Variants in KIAA1549L observed in about 807,000 individuals in gnomAD.
KIAA1549L encodes UPF0606 protein KIAA1549L.
Under a neutral mutation model 160.7 loss-of-function variants are expected in KIAA1549L, and 88 were observed. That is an observed-to-expected ratio of 0.55 (90% CI 0.46 to 0.65). The LOEUF (loss-of-function observed/expected upper bound fraction) is 0.65. Ranked by LOEUF, KIAA1549L falls within the 30% of genes least tolerant of loss-of-function variation. The probability of loss-of-function intolerance (pLI) is 0.00; values close to 1 mark genes in which losing one functional copy is unlikely to be tolerated. For missense variants in KIAA1549L, 2,258 were observed against 2,437.5 expected, an observed-to-expected ratio of 0.93 and a Z score of 1.55; for synonymous variants, 950 against 976.7, an observed-to-expected ratio of 0.97 and a Z score of 0.51.
chr11:33,635,639 G>A (rs997818391), intron 16 of KIAA1549L, among the ~76,000 whole-genome samples: 3 of 151,612 alleles, frequency 2.0e-5, no homozygotes, highest in East Asian at 3.9e-4. Flanking sequence ...GTGGCCTCAA[G>A]AGCCCTTTAT....
chr11:33,537,806 G>A (rs1435730035), intron 1 of KIAA1549L, among the ~76,000 whole-genome samples: 1 of 152,170 alleles, frequency 6.6e-6, no homozygotes, highest in African/African-American at 2.4e-5. Context: ...GTCAGTGACA[G>A]GCACAGACAT....
At chr11:33,648,421 T>A (rs1160545330) in intron 17 of KIAA1549L, among the ~76,000 whole-genome samples, 1 of 151,598 alleles carries the variant, frequency 6.6e-6, no homozygotes, top group African/African-American at 2.4e-5. Context: ...ATGATGATGA[T>A]TCTTAACCCA....
At chr11:33,443,864 C>A (rs531437455) in intron 1 of KIAA1549L, among the ~76,000 whole-genome samples, 2 of 152,158 alleles carry the variant, frequency 1.3e-5, no homozygotes, top group Non-Finnish European at 2.9e-5. Context: ...TGATAGGACT[C>A]ATTTCCTCAA....
chr11:33,420,773 C>T (rs1214080050), intron 1 of KIAA1549L, among the ~76,000 whole-genome samples: 1 of 152,094 alleles, frequency 6.6e-6, no homozygotes, highest in East Asian at 1.9e-4. Context: ...GTTTCATAAC[C>T]ACGAAATATA....
chr11:33,663,000 A>G (rs1399873301), intron 20 of KIAA1549L, among the ~76,000 whole-genome samples: 3 of 152,208 alleles, frequency 2.0e-5, no homozygotes, highest in Non-Finnish European at 2.9e-5. Context: ...CTGGAGCCCA[A>G]CTATCACCTG....
chr11:33,561,289 A>T (rs952832750), intron 7 of KIAA1549L, among the ~76,000 whole-genome samples: 1 of 152,218 alleles, frequency 6.6e-6, no homozygotes, highest in Non-Finnish European at 1.5e-5. Context: ...TTTTGATGAA[A>T]AAACGGAAAG....
In KIAA1549L at chr11:33,542,404, C is replaced by G; in HGVS notation, c.841C>G (p.Pro281Ala). ...LLVPQTAPAD[P>A]SLGQNIANPL... ...AGTTCCCCAAACAGCTCCAGCCGAC[C>G]CCTCTTTAGGTCAGAACATAGCTAA... The change falls in exon 2 of 21, where the codon CCC becomes GCC. Residue 281 changes from proline (P) to alanine (A), a missense_variant. By Grantham distance (27) the Pro-to-Ala change is conservative (BLOSUM62 -1). Around this residue, in one of 6 missense-constraint regions of KIAA1549L, gnomAD observed 540 missense variants for 465.7 expected, o/e 1.16. Transcript: ENST00000658780. The G allele has an allele frequency of 6.8e-7, 1 of 1,472,626 alleles. No individual in the cohort carries two copies. The highest frequency in any genetic ancestry group is 9.2e-7 in the Non-Finnish European group (1 of 1,084,030). 91.2% of individuals were successfully genotyped at this position (1,472,626 alleles called of 1,614,324 possible). A position where few individuals can be genotyped will look rare whatever the true frequency, so the allele number is the denominator to read the frequency against.
At chr11:33,614,578 ATATATATTTTTT>A (rs1564924948) in intron 15 of KIAA1549L, among the ~76,000 whole-genome samples, 2 of 9,422 alleles carry the variant, frequency 2.1e-4, no homozygotes, top group South Asian at 4.7e-3. Context: ...ATATATATAT[ATATATATTTTTT>A]TTTTTTTTTT....
intron 1 of KIAA1549L, among the ~76,000 whole-genome samples, chr11:33,523,516 A>T (rs1853544553): frequency 6.6e-6 from 1 of 152,170 alleles, no homozygotes; most frequent in South Asian, 2.1e-4. Flanking sequence ...TACTAGAAGG[A>T]TTATTTTCTT....
intron 16 of KIAA1549L, among the ~76,000 whole-genome samples, chr11:33,641,059 G>A (rs893248252): frequency 6.6e-6 from 1 of 152,156 alleles, no homozygotes; most frequent in Non-Finnish European, 1.5e-5. Context: ...GAGGGAGAAG[G>A]GTTTAGGGCA....
In KIAA1549L at chr11:33,398,692, A is replaced by T. The variant is rs75897165; in HGVS notation, c.238+21803A>T. ...AAGAAGAAAAATCGCCCATAGCCCC[A>T]AGAGTCTAACACAACCATTGATAGG... On this transcript the variant is annotated intron_variant, in intron 1 of 20. Coordinates refer to ENST00000658780, the MANE Select transcript of KIAA1549L (RefSeq NM_012194.3). Among the ~76,000 whole-genome samples the T allele has an allele frequency of 9.4e-3, 1,432 of 152,328 alleles. 47 individuals are homozygous for T. The East Asian group carries it at 0.14, about 15-fold the overall frequency.
intron 17 of KIAA1549L, among the ~76,000 whole-genome samples, chr11:33,650,624 C>G (rs1239258674): frequency 6.6e-6 from 1 of 152,190 alleles, no homozygotes; most frequent in East Asian, 1.9e-4. Flanking sequence ...TAGCCGTATC[C>G]TCTTTCTCCT....
intron 1 of KIAA1549L, among the ~76,000 whole-genome samples, chr11:33,530,721 C>T (rs899512763): frequency 6.6e-5 from 10 of 151,814 alleles, no homozygotes; most frequent in South Asian, 2.1e-4. Flanking sequence ...TCATTGTGGC[C>T]GCCCTACCTG....
chr11:33,468,661 G>A (rs759875738), intron 1 of KIAA1549L, among the ~76,000 whole-genome samples: 28 of 152,204 alleles, frequency 1.8e-4, no homozygotes, highest in African/African-American at 6.3e-4. Flanking sequence ...ATTTATAAAA[G>A]AGTGAGAAGA....
chr11:33,609,703 G>A (rs775469580), intron 14 of KIAA1549L, 46 bp from the exon 15 acceptor site: 32 of 1,464,104 alleles, frequency 2.2e-5, no homozygotes, highest in South Asian at 1.6e-4. Context: ...CCCACCTGCC[G>A]GCCCCACTGG....
At chr11:33,408,980 CCTTAAACTGCA>C (rs973897192) in intron 1 of KIAA1549L, among the ~76,000 whole-genome samples, 3 of 144,118 alleles carry the variant, frequency 2.1e-5, no homozygotes, top group Non-Finnish European at 4.6e-5. Context: ...AATTAGGTAT[CCTTAAACTGCA>C]CTTGAAAAAA....
intron 1 of KIAA1549L, among the ~76,000 whole-genome samples, chr11:33,471,356 A>G (rs2133026447): frequency 6.6e-6 from 1 of 151,782 alleles, no homozygotes; most frequent in Admixed American, 6.6e-5. Flanking sequence ...CCACTTCATT[A>G]GTTCTCTAAG....
intron 10 of KIAA1549L, among the ~76,000 whole-genome samples, chr11:33,580,842 A>G (rs73492944): frequency 0.02 from 3,080 of 152,240 alleles, 108 homozygotes; most frequent in African/African-American, 0.066. Context: ...AATTAGTGCT[A>G]TGGAGAAAAT....
intron 1 of KIAA1549L, among the ~76,000 whole-genome samples, chr11:33,424,317 T>A (rs1851075405): frequency 6.6e-6 from 1 of 152,206 alleles, no homozygotes; most frequent in Admixed American, 6.5e-5. Flanking sequence ...CTGTGAAAGC[T>A]TTATCTGAGA....
Sources: allele counts gnomAD v4.1 joint callset (sites outside exome capture counted in the v4.1 genomes callset), GRCh38; gene constraint gnomAD v4.1.1; regional missense constraint gnomAD v4.1.1; transcripts MANE v1.5; gene names NCBI Gene and HGNC (gene_info 2026-07-23, HGNC 2026-07-21).